The following ASPRV1 variants were observed in gnomAD, a reference collection of about 807,000 sequenced individuals.
ASPRV1 encodes aspartic peptidase retroviral like 1.
In ASPRV1, 7 loss-of-function variants were observed where a neutral mutation model predicts 11.0. The ratio of observed to expected loss-of-function variants is 0.64; its 90% confidence interval spans 0.36 to 1.20. The LOEUF (loss-of-function observed/expected upper bound fraction) is 1.20. Ranked by LOEUF, ASPRV1 falls within the 50% of genes most tolerant of loss-of-function variation. The pLI is 0.02. For synonymous variants in ASPRV1, 136 were observed against 138.4 expected (o/e 0.98, Z 0.12); for missense variants, 299 against 320.0 (o/e 0.93, Z 0.50).
the ASPRV1 span, chr2:70,031,872 A>C: frequency 3.3e-5 from 5 of 152,290 alleles, no homozygotes; most frequent in African/African-American, 1.2e-4. Flanking sequence ...CGTTTCCCTC[A>C]GGGTGGCAAG....
chr2:69,955,355 C>T (rs1343007699), downstream of ASPRV1, among the ~76,000 whole-genome samples: 1 of 152,240 alleles, frequency 6.6e-6, no homozygotes, highest in African/African-American at 2.4e-5. Context: ...CACCTTGACA[C>T]TGGCCCTCGA....
At chr2:70,001,014 T>C in the ASPRV1 span, among the ~76,000 whole-genome samples, 1,070 of 152,082 alleles carry the variant, frequency 7.0e-3, 5 homozygotes, top group Non-Finnish European at 0.012. Flanking sequence ...TAATCCCCAG[T>C]GTTGGGAAGG....
chr2:70,077,369 T>A, the ASPRV1 span: 1 of 152,110 alleles, frequency 6.6e-6, no homozygotes, highest in East Asian at 1.9e-4. Flanking sequence ...CTTCATGTAA[T>A]ACAGGATAAG....
chr2:70,011,380 G>A, the ASPRV1 span, among the ~76,000 whole-genome samples: 1 of 152,164 alleles, frequency 6.6e-6, no homozygotes, highest in African/African-American at 2.4e-5. Context: ...CCTTGCAATC[G>A]TTTAGGTGAG....
chr2:70,046,251 A>G, the ASPRV1 span: 2 of 152,342 alleles, frequency 1.3e-5, no homozygotes, highest in African/African-American at 4.8e-5. Flanking sequence ...CTTTGGACTC[A>G]AGCAACAGGA....
At chr2:69,961,747 C>T (rs562111669), upstream of ASPRV1, 70 of 1,497,448 alleles carry the variant, frequency 4.7e-5, no homozygotes, top group South Asian at 1.7e-4. Flanking sequence ...AGCATCCGGC[C>T]GGACTAGCAG....
the ASPRV1 span, among the ~76,000 whole-genome samples, chr2:70,001,957 A>T: frequency 6.6e-6 from 1 of 152,240 alleles, no homozygotes; most frequent in Non-Finnish European, 1.5e-5. Flanking sequence ...TAAGTATAAA[A>T]AGCGAGTCAT....
chr2:69,991,879 C>T, the ASPRV1 span, among the ~76,000 whole-genome samples: 1 of 152,186 alleles, frequency 6.6e-6, no homozygotes, highest in Non-Finnish European at 1.5e-5. Context: ...AAACACATTG[C>T]TCAGCAAGTT....
At chr2:70,008,173 A>T in the ASPRV1 span, among the ~76,000 whole-genome samples, 18 of 151,976 alleles carry the variant, frequency 1.2e-4, no homozygotes, top group African/African-American at 3.9e-4. Context: ...CTTTTGAATG[A>T]GATAAATCTA....
chr2:69,951,723 T>C, the ASPRV1 span, among the ~76,000 whole-genome samples: 2 of 151,988 alleles, frequency 1.3e-5, no homozygotes, highest in African/African-American at 4.8e-5. Flanking sequence ...AACAAAGCAA[T>C]AAAAATGAAC....
the ASPRV1 span, chr2:69,968,557 T>C: frequency 6.6e-6 from 1 of 152,170 alleles, no homozygotes; most frequent in African/African-American, 2.4e-5. Flanking sequence ...AACTGGTCCA[T>C]AAAATAAGAT....
the ASPRV1 span, among the ~76,000 whole-genome samples, chr2:70,072,622 T>C: frequency 2.0e-5 from 3 of 152,066 alleles, no homozygotes; most frequent in Admixed American, 2.0e-4. Context: ...CTGGGGAGGC[T>C]GAGGCAGGAG....
chr2:70,013,606 T>C, the ASPRV1 span, among the ~76,000 whole-genome samples: 2 of 152,228 alleles, frequency 1.3e-5, no homozygotes, highest in African/African-American at 4.8e-5. Context: ...AAAAAGTATG[T>C]TGGCCTGGTG....
At chr2:69,953,303 T>C in the ASPRV1 span, among the ~76,000 whole-genome samples, 10 of 152,166 alleles carry the variant, frequency 6.6e-5, no homozygotes, top group Non-Finnish European at 1.3e-4. Flanking sequence ...GGATGGACAG[T>C]GGTCAGTCCT....
chr2:69,992,148 CTT>C, the ASPRV1 span, among the ~76,000 whole-genome samples: 1 of 147,944 alleles, frequency 6.8e-6, no homozygotes, highest in Non-Finnish European at 1.5e-5. Context: ...CTTTGTTCCA[CTT>C]TTTTTTTTTC....
chr2:70,063,438 GA>G, the ASPRV1 span, among the ~76,000 whole-genome samples: 8 of 152,136 alleles, frequency 5.3e-5, no homozygotes, highest in African/African-American at 1.9e-4. Flanking sequence ...GATTCATGTT[GA>G]ACAGAGTCCT....
At chr2:69,987,609 G>C in the ASPRV1 span, among the ~76,000 whole-genome samples, 2 of 148,272 alleles carry the variant, frequency 1.3e-5, no homozygotes, top group Non-Finnish European at 1.5e-5. Context: ...AAAAAATTTA[G>C]CCGGGCAGCA....
the ASPRV1 span, chr2:69,936,915 G>A: frequency 2.0e-6 from 1 of 503,866 alleles, no homozygotes; most frequent in Non-Finnish European, 4.0e-6. Flanking sequence ...TGCAAACAAG[G>A]GAGATCAGGT....
chr2:70,049,704 G>A, the ASPRV1 span: 5 of 152,240 alleles, frequency 3.3e-5, no homozygotes, highest in Non-Finnish European at 7.3e-5. Context: ...AGCCAGCCAA[G>A]AAGCTGTAGC....
Sources: gnomAD v4.1 joint callset for allele counts (sites outside exome capture counted in the v4.1 genomes callset) on GRCh38, gnomAD v4.1.1 for gene constraint, MANE v1.5 for transcripts, NCBI Gene and HGNC (gene_info 2026-07-23, HGNC 2026-07-21) for gene names.